The following CCDC148 variants were observed in gnomAD, a reference collection of about 807,000 sequenced individuals.
CCDC148 encodes coiled-coil domain-containing protein 148.
CCDC148 carries 89 observed loss-of-function variants against 85.7 expected under a neutral mutation model. The ratio of observed to expected loss-of-function variants is 1.04; its 90% CI spans 0.87 to 1.24. The LOEUF (loss-of-function observed/expected upper bound fraction) is 1.24, where lower values mean the gene tolerates loss of function less well. Among genes scored for constraint, CCDC148 ranks in the 50% most tolerant of loss-of-function variants. CCDC148 has a pLI of 0.00. For missense variants in CCDC148, 692 were observed against 671.7 expected (o/e 1.03, Z -0.33); for synonymous variants, 230 against 213.9 (o/e 1.08, Z -0.66).
At chr2:158,373,298 C>G (rs769762294) in intron 1 of CCDC148, among the ~76,000 whole-genome samples, 2 of 151,958 alleles carry the variant, frequency 1.3e-5, no homozygotes, top group Non-Finnish European at 2.9e-5. Context: ...GGAATACAGC[C>G]CTGCCCACAG....
intron 11 of CCDC148, among the ~76,000 whole-genome samples, chr2:158,191,197 C>G (rs1031255652): frequency 7.9e-5 from 12 of 151,996 alleles, no homozygotes; most frequent in African/African-American, 2.9e-4. Context: ...CTCCCTCAAA[C>G]AAATGATTTA....
chr2:158,185,321 A>G (rs1685102889), intron 11 of CCDC148, among the ~76,000 whole-genome samples: 1 of 152,124 alleles, frequency 6.6e-6, no homozygotes, highest in Admixed American at 6.5e-5. Flanking sequence ...GTGTATCCTG[A>G]TGACAGCTGA....
At chr2:158,359,398 C>T (rs192056922) in intron 1 of CCDC148, among the ~76,000 whole-genome samples, 1 of 152,256 alleles carries the variant, frequency 6.6e-6, no homozygotes, top group Admixed American at 6.5e-5. Context: ...GGCAATATGG[C>T]CAAATAGGAA....
At chr2:158,300,842 G>C (rs1463358329) in intron 9 of CCDC148, among the ~76,000 whole-genome samples, 1 of 152,106 alleles carries the variant, frequency 6.6e-6, no homozygotes, top group Non-Finnish European at 1.5e-5. Context: ...TTAGGGAATG[G>C]CATACCTGAA....
chr2:158,333,364 G>T (rs577543674), intron 7 of CCDC148, among the ~76,000 whole-genome samples: 1 of 152,300 alleles, frequency 6.6e-6, no homozygotes, highest in East Asian at 1.9e-4. Context: ...TAATTTGATT[G>T]CACTGTGGTC....
chr2:158,236,216 A>C (rs901495878), intron 10 of CCDC148: 4 of 88,382 alleles, frequency 4.5e-5, no homozygotes, highest in African/African-American at 1.2e-4. Context: ...CCCATAGCAA[A>C]GCTTCCCACT....
intron 9 of CCDC148, among the ~76,000 whole-genome samples, chr2:158,252,147 T>C (rs952768830): frequency 4.6e-5 from 7 of 151,836 alleles, no homozygotes; most frequent in African/African-American, 1.7e-4. Flanking sequence ...GCATCATTTA[T>C]TAATGGTAAT....
At chr2:158,363,269 A>G (rs1034259634) in intron 1 of CCDC148, among the ~76,000 whole-genome samples, 5 of 152,192 alleles carry the variant, frequency 3.3e-5, no homozygotes, top group African/African-American at 1.2e-4. Flanking sequence ...TTCTGAAACT[A>G]TTCCAAACAA....
At chr2:158,266,682 C>T (rs1024813330) in intron 9 of CCDC148, among the ~76,000 whole-genome samples, 3 of 152,042 alleles carry the variant, frequency 2.0e-5, no homozygotes, top group Non-Finnish European at 2.9e-5. Context: ...TTTGCATCCT[C>T]ATAGCTTAGC....
At chr2:158,276,953 G>T (rs1337280025) in intron 9 of CCDC148, among the ~76,000 whole-genome samples, 2 of 152,134 alleles carry the variant, frequency 1.3e-5, no homozygotes, top group Non-Finnish European at 2.9e-5. Flanking sequence ...GCTAATACTA[G>T]AAATTTACTA....
chr2:158,361,244 G>T (rs10194162), intron 1 of CCDC148, among the ~76,000 whole-genome samples: 1 of 151,610 alleles, frequency 6.6e-6, no homozygotes, highest in African/African-American at 2.4e-5. Flanking sequence ...AAGTTGGAAT[G>T]CACTCTTCAG....
At chr2:158,203,496 A>G (rs886614553) in intron 11 of CCDC148, among the ~76,000 whole-genome samples, 3 of 152,034 alleles carry the variant, frequency 2.0e-5, no homozygotes, top group Non-Finnish European at 4.4e-5. Context: ...TTGAAAGCAT[A>G]CTCCCTCCAA....
chr2:158,455,991 C>A (rs1434772636), intron 1 of CCDC148, among the ~76,000 whole-genome samples: 1 of 152,164 alleles, frequency 6.6e-6, no homozygotes, highest in East Asian at 1.9e-4. Flanking sequence ...TTTGTGAAAT[C>A]ATCACAAGGT....
intron 7 of CCDC148, among the ~76,000 whole-genome samples, chr2:158,328,475 C>G (rs1023912509): frequency 6.6e-6 from 1 of 152,086 alleles, no homozygotes; most frequent in Non-Finnish European, 1.5e-5. Flanking sequence ...AATAAACATA[C>G]GTGTGCATGT....
intron 2 of CCDC148, among the ~76,000 whole-genome samples, chr2:158,350,951 C>T (rs556809147): frequency 5.9e-5 from 9 of 152,174 alleles, no homozygotes; most frequent in Admixed American, 2.6e-4. Flanking sequence ...TGTTACTCAT[C>T]CTCACCCTAC....
At chr2:158,182,907 T>C (rs1684972614) in intron 11 of CCDC148, among the ~76,000 whole-genome samples, 1 of 152,146 alleles carries the variant, frequency 6.6e-6, no homozygotes, top group African/African-American at 2.4e-5. Context: ...AGTCAATCAT[T>C]TGGAAATTTT....
chr2:158,247,263 G>T (rs1688605028), intron 10 of CCDC148, among the ~76,000 whole-genome samples: 1 of 151,890 alleles, frequency 6.6e-6, no homozygotes, highest in Non-Finnish European at 1.5e-5. Context: ...AAATGATCAT[G>T]GAAATACAAA....
In CCDC148 at chr2:158,172,259, T is replaced by C. The variant is rs761471600; in HGVS notation, c.1630A>G (p.Ile544Val). ...AAGCGAAGTCTAGGGTCAGAAATTA[T>C]CTGTAGAAATAAAAATACAATTTAA... ...FTLNTYNEQQ[I>V]ISDPRLRFEL... The change falls in exon 14 of 14, where the codon ATA (isoleucine) becomes GTA (valine). Residue 544 changes from isoleucine to valine, a missense_variant and splice_region_variant. Transcript: ENST00000283233. 14 of 1,590,564 alleles carry C rather than the reference T, an allele frequency of 8.8e-6. No homozygotes were observed. Among genetic ancestry groups the C allele is most frequent in the Admixed American group, 3.6e-5 (2 of 55,850 alleles).
intron 11 of CCDC148, among the ~76,000 whole-genome samples, chr2:158,184,015 A>G (rs1301693596): frequency 3.4e-5 from 5 of 148,122 alleles, no homozygotes; most frequent in Non-Finnish European, 1.5e-5. Flanking sequence ...GTCTGCCCAA[A>G]GAAAAGAATG....
Sources: gnomAD v4.1 joint callset for allele counts (sites outside exome capture counted in the v4.1 genomes callset) on GRCh38, gnomAD v4.1.1 for gene constraint, MANE v1.5 for transcripts, NCBI Gene and HGNC (gene_info 2026-07-23, HGNC 2026-07-21) for gene names.